Variants in TMEM132C observed in about 807,000 individuals in gnomAD.
The protein encoded by TMEM132C is protein phosphatase 1, regulatory subunit 152.
In TMEM132C, 29 loss-of-function variants were observed where a neutral mutation model predicts 61.4. The ratio of observed to expected loss-of-function variants is 0.47; its 90% CI spans 0.35 to 0.64. The LOEUF is 0.64. Ranked by LOEUF, TMEM132C falls within the 30% of genes least tolerant of loss-of-function variation. The pLI is 0.00. For synonymous variants in TMEM132C, 656 were observed against 633.1 expected, an observed-to-expected ratio of 1.04 and a Z score of -0.54; for missense variants, 1,408 against 1,476.9, an observed-to-expected ratio of 0.95 and a Z score of 0.76.
At chr12:128,388,961 C>A (rs967183536) in intron 1 of TMEM132C, among the ~76,000 whole-genome samples, 6 of 152,120 alleles carry the variant, frequency 3.9e-5, no homozygotes, top group Non-Finnish European at 8.8e-5. Context: ...GAAGTCTGTG[C>A]GGGCAACAGA....
At chr12:128,663,811 C>T (rs936385046) in intron 4 of TMEM132C, among the ~76,000 whole-genome samples, 2 of 152,078 alleles carry the variant, frequency 1.3e-5, no homozygotes, top group Admixed American at 6.5e-5. Context: ...CATACAGGCA[C>T]ATGCACCCAC....
In TMEM132C at chr12:128,278,419, A is replaced by G. The variant is rs147094330; in HGVS notation, c.85+10932A>G. On this transcript the variant is annotated intron_variant, in intron 1 of 8. Coordinates refer to ENST00000435159, the MANE Select transcript of TMEM132C (RefSeq NM_001136103.3). This position sits in a 1 kb window ranked among gnomAD's most constrained non-coding sequence, Gnocchi z 4.2. ...TTTTCATCTGTCGTGTTCATATCCTATTAACTAAATGACGTTTCCTAGCTG... is the reference window on the plus strand; with the variant it reads ...TTTTCATCTGTCGTGTTCATATCCTGTTAACTAAATGACGTTTCCTAGCTG... 2.8e-4 allele frequency among the ~76,000 whole-genome samples: 43 copies of G among 152,242 alleles called. No homozygotes were observed. The highest frequency in any genetic ancestry group is 1.0e-3 in the African/African-American group (43 of 41,562).
Position 128,675,837 on chromosome 12 carries a change from GAAGA to G in TMEM132C, c.1449+6278_1449+6281del, listed in dbSNP as rs1208673850. Reference sequence around the variant, plus strand: ...GATAGATGGTAGATTTAGATAGATAGAAGATAGATAGATAGATAGATAGATAGAT... The same window carrying G: ...GATAGATGGTAGATTTAGATAGATAGTAGATAGATAGATAGATAGATAGAT... On this transcript the variant is annotated intron_variant, in intron 5 of 8. Coordinates refer to ENST00000435159, the MANE Select transcript of TMEM132C (RefSeq NM_001136103.3). Among the ~76,000 whole-genome samples the G allele has an allele frequency of 3.6e-3, 451 of 124,174 alleles. 4 individuals are homozygous for G. The highest frequency in any genetic ancestry group is 0.012 in the African/African-American group (424 of 34,596). The allele number at this position is 124,174 out of a possible 152,430, so 81.5% of individuals were successfully genotyped here.
intron 3 of TMEM132C, among the ~76,000 whole-genome samples, chr12:128,552,427 G>T (rs1874205597): frequency 6.6e-6 from 1 of 152,114 alleles, no homozygotes; most frequent in South Asian, 2.1e-4. Flanking sequence ...CATGAACTGA[G>T]GTATCATACC....
Position 128,570,756 on chromosome 12 carries a change from T to A in TMEM132C, c.1121+26653T>A, listed in dbSNP as rs2136171075. On this transcript the variant is annotated intron_variant, in intron 3 of 8. Transcript: ENST00000435159. This position sits in a 1 kb window ranked among gnomAD's most constrained non-coding sequence, Gnocchi z 4.7. ...TCCAGGTAGAGCAAATGGAGGAAGA[T>A]GTATGGCTAAGGCAATAAGTAGGTG... 6.6e-6 allele frequency among the ~76,000 whole-genome samples: 1 copy of A among 152,302 alleles called. No homozygotes were observed. The highest frequency in any genetic ancestry group is 1.9e-4 in the East Asian group (1 of 5,184).
At chr12:128,640,723 C>CA (rs1395598128) in intron 4 of TMEM132C, among the ~76,000 whole-genome samples, 3 of 152,132 alleles carry the variant, frequency 2.0e-5, no homozygotes, top group African/African-American at 4.8e-5. Flanking sequence ...AAAACCTCTA[C>CA]AAAAAATTTA....
chr12:128,675,100 C>T (rs113240845), intron 5 of TMEM132C, among the ~76,000 whole-genome samples: 15 of 152,174 alleles, frequency 9.9e-5, no homozygotes, highest in African/African-American at 3.1e-4. Flanking sequence ...TTCATTCTTT[C>T]CTTCTTTGTT....
At chr12:128,550,431 A>G (rs1874133158) in intron 3 of TMEM132C, among the ~76,000 whole-genome samples, 1 of 152,094 alleles carries the variant, frequency 6.6e-6, no homozygotes, top group African/African-American at 2.4e-5. Context: ...CGATCCGCCA[A>G]GTAGCTGAGA....
At chr12:128,507,572 C>A (rs1872417483) in intron 2 of TMEM132C, among the ~76,000 whole-genome samples, 1 of 152,056 alleles carries the variant, frequency 6.6e-6, no homozygotes, top group Non-Finnish European at 1.5e-5. Context: ...TTTGAAAAAT[C>A]TCCGTGAGTC....
At chr12:128,645,419 C>A (rs1373935939) in intron 4 of TMEM132C, among the ~76,000 whole-genome samples, 2 of 152,192 alleles carry the variant, frequency 1.3e-5, no homozygotes, top group Non-Finnish European at 2.9e-5. Context: ...CAGGCCCAGT[C>A]ATGGCACCTG....
intron 3 of TMEM132C, among the ~76,000 whole-genome samples, chr12:128,605,492 C>T (rs1481229384): frequency 6.6e-6 from 1 of 152,228 alleles, no homozygotes; most frequent in Non-Finnish European, 1.5e-5. Context: ...CTCACAGATA[C>T]ACCCAGAATA....
intron 2 of TMEM132C, among the ~76,000 whole-genome samples, chr12:128,475,452 T>C (rs915102217): frequency 6.6e-6 from 1 of 151,890 alleles, no homozygotes; most frequent in Non-Finnish European, 1.5e-5. Context: ...GCACTTGGGG[T>C]GATAAAAAAT....
At chr12:128,286,476 G>A (rs1872535) in intron 1 of TMEM132C, among the ~76,000 whole-genome samples, 30,807 of 152,176 alleles carry the variant, frequency 0.2, 3,303 homozygotes, top group East Asian at 0.45. Context: ...CCCATAGACA[G>A]TAGTGGGTGT....
intron 1 of TMEM132C, among the ~76,000 whole-genome samples, chr12:128,384,737 A>AAATCCACC (rs1287527178): frequency 6.6e-5 from 10 of 152,208 alleles, no homozygotes; most frequent in Non-Finnish European, 1.5e-4. Context: ...TGTCCGCTCC[A>AAATCCACC]AATCCACCTC....
At chr12:128,445,027 A>G (rs1376075757) in intron 2 of TMEM132C, among the ~76,000 whole-genome samples, 1 of 152,226 alleles carries the variant, frequency 6.6e-6, no homozygotes, top group Non-Finnish European at 1.5e-5. Flanking sequence ...CACTAAGAGC[A>G]TTACTCAAAA....
At chr12:128,512,777 T>C (rs192954218) in intron 2 of TMEM132C, among the ~76,000 whole-genome samples, 8 of 152,312 alleles carry the variant, frequency 5.3e-5, no homozygotes, top group African/African-American at 2.4e-5. Flanking sequence ...AGAGAGCCTG[T>C]TCCCCACACT....
In TMEM132C at chr12:128,326,383, A is replaced by G. The variant is rs1872518092; in HGVS notation, c.85+58896A>G. Among the ~76,000 whole-genome samples, 1 of 152,152 alleles carries G rather than the reference A, an allele frequency of 6.6e-6. No individual in the cohort carries two copies. Among genetic ancestry groups the G allele is most frequent in the Non-Finnish European group, 1.5e-5 (1 of 68,030 alleles). On this transcript the variant is annotated intron_variant, in intron 1 of 8. Transcript: ENST00000435159. This position sits in a 1 kb window ranked among gnomAD's most constrained non-coding sequence, Gnocchi z 5.6. ...CTTTTCGAGCTGCCAGATCTGCTGG[A>G]GAAAATTATAAAGATGAATACTTCT...
intron 2 of TMEM132C, among the ~76,000 whole-genome samples, chr12:128,449,405 G>A (rs979928762): frequency 2.6e-5 from 4 of 152,120 alleles, no homozygotes; most frequent in Non-Finnish European, 5.9e-5. Flanking sequence ...TAGTATTTCA[G>A]TGCCTAAGTC....
At chr12:128,582,768 A>G (rs569537226) in intron 3 of TMEM132C, among the ~76,000 whole-genome samples, 86 of 152,136 alleles carry the variant, frequency 5.7e-4, no homozygotes, top group African/African-American at 2.0e-3. Context: ...TTTTCTTCCC[A>G]GTCTCAGGTA....
Sources: allele counts gnomAD v4.1 joint callset (sites outside exome capture counted in the v4.1 genomes callset), GRCh38; gene constraint gnomAD v4.1.1; non-coding constraint Gnocchi (gnomAD v3.1); transcripts MANE v1.5; gene names NCBI Gene and HGNC (gene_info 2026-07-23, HGNC 2026-07-21).